The following DUS2 variants were observed in gnomAD, a reference collection of about 807,000 sequenced individuals.
DUS2 encodes dihydrouridine synthase 2, also known as tRNA-dihydrouridine(20) synthase [NAD(P)+]-like.
A neutral mutation model predicts 71.3 loss-of-function variants in DUS2; 52 were observed. That is an observed-to-expected ratio of 0.73 (90% CI 0.58 to 0.92). The LOEUF is 0.92. Among genes scored for constraint, DUS2 ranks in the 40% least tolerant of loss-of-function variants. DUS2 has a pLI of 0.00. For synonymous variants in DUS2, 204 were observed against 227.8 expected (o/e 0.90, Z 0.94); for missense variants, 558 against 622.6 (o/e 0.90, Z 1.10).
intron 11 of DUS2, 131 bp downstream of exon 11, chr16:68,070,351 C>T: frequency 1.3e-6 from 1 of 765,562 alleles, no homozygotes; most frequent in Admixed American, 2.3e-5. Context: ...TCCACAAGAC[C>T]CCAGACCTGT....
At chr16:68,046,131 A>G (rs1019288579) in intron 3 of DUS2, among the ~76,000 whole-genome samples, 12 of 152,162 alleles carry the variant, frequency 7.9e-5, no homozygotes, top group South Asian at 2.1e-4. Flanking sequence ...TTTGGCTTCT[A>G]TTGATCCTGT....
chr16:68,057,114 T>G (rs1399755475), intron 7 of DUS2, among the ~76,000 whole-genome samples: 1 of 140,216 alleles, frequency 7.1e-6, no homozygotes, highest in East Asian at 2.0e-4. Flanking sequence ...ATATATTATA[T>G]ATTACATATA....
chr16:68,056,256 C>A, intron 6 of DUS2, 108 bp from the exon 7 acceptor site: 1 of 912,340 alleles, frequency 1.1e-6, no homozygotes, highest in Non-Finnish European at 1.7e-6. Flanking sequence ...TTCATAGAGT[C>A]AGGGACAGGG....
intron 16 of DUS2, 92 bp downstream of exon 16, chr16:68,078,610 G>T: frequency 6.6e-7 from 1 of 1,525,798 alleles, no homozygotes; most frequent in Non-Finnish European, 9.0e-7. Context: ...GGAGGGTTGG[G>T]TAGATGGTAT....
chr16:68,064,467 A>G (rs1398653372), intron 8 of DUS2, among the ~76,000 whole-genome samples: 1 of 152,236 alleles, frequency 6.6e-6, no homozygotes. Context: ...AGCAAAAGGA[A>G]GTTCTACAAG....
At chr16:68,054,257 A>G (rs1015842899) in intron 5 of DUS2, among the ~76,000 whole-genome samples, 1 of 152,250 alleles carries the variant, frequency 6.6e-6, no homozygotes, top group Non-Finnish European at 1.5e-5. Flanking sequence ...TAACCATGTG[A>G]TAAAGCAAAT....
Position 68,075,421 on chromosome 16 carries a change from G to T in DUS2, c.999G>T (p.Arg333Ser). The change falls in exon 14 of 17, where the codon AGG (arginine) becomes AGT (serine). Residue 333 changes from arginine to serine, a missense_variant. Arg to Ser is a moderately radical substitution (Grantham distance 110). Transcript: ENST00000565263. ...TTQELDAQQA[R>S]LSAKTSEQTG... ...AGGAGCTGGATGCCCAGCAGGCCAG[G>T]CTCTCAGCCAAGACTTCAGAGCAGA... 10 of 1,613,880 alleles carry T rather than the reference G, an allele frequency of 6.2e-6. No individual in the cohort carries two copies. The highest frequency in any genetic ancestry group is 8.5e-6 in the Non-Finnish European group (10 of 1,179,898).
At chr16:68,068,898 C>T (rs2034046316) in intron 10 of DUS2, among the ~76,000 whole-genome samples, 1 of 151,890 alleles carries the variant, frequency 6.6e-6, no homozygotes, top group Non-Finnish European at 1.5e-5. Context: ...CCATGCCAAG[C>T]CAGTATTCTC....
chr16:68,025,172 TCTC>T (rs2033328718), intron 1 of DUS2, among the ~76,000 whole-genome samples: 1 of 151,980 alleles, frequency 6.6e-6, no homozygotes, highest in African/African-American at 2.4e-5. Context: ...ACTCAGGGCT[TCTC>T]CTTATCCAAA....
At chr16:68,035,391 CTT>C (rs202033773) in intron 2 of DUS2, among the ~76,000 whole-genome samples, 1 of 146,322 alleles carries the variant, frequency 6.8e-6, no homozygotes, top group Non-Finnish European at 1.5e-5. Context: ...CTGTGTTTTC[CTT>C]TTTTTTTTTT....
At chr16:68,044,991 C>T (rs2033680565) in intron 3 of DUS2, among the ~76,000 whole-genome samples, 1 of 151,914 alleles carries the variant, frequency 6.6e-6, no homozygotes, top group African/African-American at 2.4e-5. Flanking sequence ...TGGGGTTTCA[C>T]CATGTTGGTC....
At chr16:68,028,499 C>T (rs978488996) in intron 2 of DUS2, among the ~76,000 whole-genome samples, 2 of 151,866 alleles carry the variant, frequency 1.3e-5, no homozygotes, top group Admixed American at 1.3e-4. Flanking sequence ...ATTAGCTGGG[C>T]GTGGTGGTGG....
At chr16:68,075,808 G>A (rs1191452891) in intron 14 of DUS2, among the ~76,000 whole-genome samples, 1 of 152,194 alleles carries the variant, frequency 6.6e-6, no homozygotes, top group African/African-American at 2.4e-5. Context: ...AAGGCCCTGA[G>A]GAACTGGCTC....
chr16:68,026,562 T>A (rs887977271), intron 2 of DUS2, among the ~76,000 whole-genome samples: 4 of 152,040 alleles, frequency 2.6e-5, no homozygotes, highest in Non-Finnish European at 5.9e-5. Flanking sequence ...TGGTCTACCT[T>A]CTGTTTCCCG....
In DUS2 at chr16:68,049,484, CG is replaced by C. The variant is rs770574091; in HGVS notation, c.127-20del. The C allele has an allele frequency of 6.2e-7, 1 of 1,613,578 alleles. No individual in the cohort carries two copies. Among genetic ancestry groups the C allele is most frequent in the South Asian group, 1.1e-5 (1 of 91,072 alleles). ...AGCCTACATGTTCAGGAATGACAAG[CG>C]TCCTCTGATTCCTCTGCAGGAGCTG... On this transcript the variant is annotated intron_variant, in intron 3 of 16. Coordinates refer to ENST00000565263, the MANE Select transcript of DUS2 (RefSeq NM_017803.5).
chr16:68,038,055 A>G lies in DUS2; in HGVS notation c.32A>G (p.His11Arg), dbSNP rs562081425. Reference sequence around the variant, plus strand: ...TTGAATAGCCTCTCTCTGTGTTACCATAATAAGCTAATCCTGGCCCCAATG... The same window carrying G: ...TTGAATAGCCTCTCTCTGTGTTACCGTAATAAGCTAATCCTGGCCCCAATG... MILNSLSLCY[H>R]NKLILAPMVR... The change falls in exon 3 of 17, where the codon CAT becomes CGT. Residue 11 changes from histidine (H) to arginine (R), a missense_variant. Physicochemically the swap from His to Arg is conservative, Grantham distance 29 (BLOSUM62 0). Coordinates refer to ENST00000565263, the MANE Select transcript of DUS2 (RefSeq NM_017803.5). 16 of 1,613,964 alleles carry G rather than the reference A, an allele frequency of 9.9e-6. No homozygotes were observed. The highest frequency in any genetic ancestry group is 6.6e-5 in the South Asian group (6 of 91,080).
chr16:68,025,960 C>T (rs902059541), intron 2 of DUS2, among the ~76,000 whole-genome samples: 1 of 152,120 alleles, frequency 6.6e-6, no homozygotes, highest in Non-Finnish European at 1.5e-5. Context: ...GCCAAAATCC[C>T]TGCCCTTGTG....
intron 7 of DUS2, among the ~76,000 whole-genome samples, chr16:68,060,302 A>G (rs1567478428): frequency 1.3e-5 from 2 of 152,100 alleles, no homozygotes; most frequent in Non-Finnish European, 2.9e-5. Context: ...GGGGATCAGA[A>G]TGATGACTTT....
intron 12 of DUS2, among the ~76,000 whole-genome samples, chr16:68,073,368 T>G (rs1290873933): frequency 6.6e-6 from 1 of 150,832 alleles, no homozygotes; most frequent in Non-Finnish European, 1.5e-5. Flanking sequence ...AACTCCTGGG[T>G]GCAAGCAATC....
Sources: allele counts gnomAD v4.1 joint callset (sites outside exome capture counted in the v4.1 genomes callset), GRCh38; gene constraint gnomAD v4.1.1; transcripts MANE v1.5; gene names NCBI Gene and HGNC (gene_info 2026-07-23, HGNC 2026-07-21).